Variants in NKAIN3 observed in about 807,000 individuals in gnomAD.
The protein encoded by NKAIN3 is sodium/potassium-transporting ATPase subunit beta-1-interacting protein 3.
A neutral mutation model predicts 30.2 loss-of-function variants in NKAIN3; 25 were observed. The observed-to-expected ratio is 0.83, with a 90% confidence interval of 0.60 to 1.16. The LOEUF is 1.16. Ranked by LOEUF, NKAIN3 falls within the 50% of genes most tolerant of loss-of-function variation. The probability of loss-of-function intolerance (pLI) is 0.00; values close to 1 mark genes in which losing one functional copy is unlikely to be tolerated. For synonymous variants in NKAIN3, 91 were observed against 89.6 expected (o/e 1.02, Z -0.09); for missense variants, 225 against 254.1 (o/e 0.89, Z 0.78).
At chr8:62,400,511 T>C (rs1803818045) in intron 1 of NKAIN3, among the ~76,000 whole-genome samples, 1 of 152,096 alleles carries the variant, frequency 6.6e-6, no homozygotes, top group Non-Finnish European at 1.5e-5. Context: ...TTTGTTAAGA[T>C]TGACTAGAAG....
intron 1 of NKAIN3, among the ~76,000 whole-genome samples, chr8:62,376,970 CT>C (rs1239846361): frequency 6.6e-6 from 1 of 151,950 alleles, no homozygotes; most frequent in Non-Finnish European, 1.5e-5. Context: ...CAAAATAACC[CT>C]GTAGAAAGAC....
chr8:62,954,986 TAAA>T (rs1823382674), intron 6 of NKAIN3, among the ~76,000 whole-genome samples: 1 of 152,156 alleles, frequency 6.6e-6, no homozygotes, highest in Non-Finnish European at 1.5e-5. Flanking sequence ...AGAAATTATG[TAAA>T]ATAGTCGCTT....
At chr8:62,842,204 C>G (rs1391339442) in intron 4 of NKAIN3, among the ~76,000 whole-genome samples, 1 of 151,550 alleles carries the variant, frequency 6.6e-6, no homozygotes, top group Non-Finnish European at 1.5e-5. Context: ...TACATTAAAC[C>G]CTTACTAGAT....
intron 1 of NKAIN3, among the ~76,000 whole-genome samples, chr8:62,550,803 G>C (rs1448625228): frequency 6.6e-6 from 1 of 152,176 alleles, no homozygotes; most frequent in Non-Finnish European, 1.5e-5. Flanking sequence ...GTATGTACAA[G>C]AAGAAGAGTT....
At chr8:62,568,797 C>T (rs949416649) in intron 1 of NKAIN3, among the ~76,000 whole-genome samples, 1 of 152,104 alleles carries the variant, frequency 6.6e-6, no homozygotes, top group African/African-American at 2.4e-5. Flanking sequence ...CATTTCACTT[C>T]TTGAGATATA....
chr8:62,605,418 C>T (rs1187909965), intron 3 of NKAIN3, among the ~76,000 whole-genome samples: 5 of 151,850 alleles, frequency 3.3e-5, no homozygotes, highest in Non-Finnish European at 4.4e-5. Flanking sequence ...AACTGAAAAC[C>T]GTGCCTATAT....
At chr8:62,996,056 A>C (rs1366006630) in intron 5 of NKAIN3, among the ~76,000 whole-genome samples, 3 of 152,234 alleles carry the variant, frequency 2.0e-5, no homozygotes, top group Non-Finnish European at 2.9e-5. Context: ...TATGTTGTAA[A>C]TATTCCCATT....
chr8:62,974,046 CA>C lies in NKAIN3; in HGVS notation c.*8640del, dbSNP rs569124984. Among the ~76,000 whole-genome samples, 84 of 152,180 alleles carry C rather than the reference CA, an allele frequency of 5.5e-4. No individual in the cohort carries two copies. The highest frequency in any genetic ancestry group is 1.9e-3 in the South Asian group (9 of 4,822). ...TATATATCTGTTTTAGTAAAAGTAC[CA>C]TGTTGTTTTGGTTACTGTAGCCTTG... On this transcript the variant is annotated 3_prime_UTR_variant, in exon 7 of 7. Transcript: ENST00000623646.
chr8:62,779,874 C>A (rs184405513), intron 4 of NKAIN3, among the ~76,000 whole-genome samples: 1 of 151,754 alleles, frequency 6.6e-6, no homozygotes, highest in African/African-American at 2.4e-5. Flanking sequence ...TTCAAACGAC[C>A]AAATAATGCA....
chr8:62,810,258 T>C (rs1210033725), intron 4 of NKAIN3, among the ~76,000 whole-genome samples: 1 of 152,080 alleles, frequency 6.6e-6, no homozygotes, highest in Non-Finnish European at 1.5e-5. Context: ...TGGAGAAAAA[T>C]GTAATTCAGT....
Position 62,446,029 on chromosome 8 carries a change from T to A in NKAIN3, c.55-133510T>A, listed in dbSNP as rs551688606. ...TGATGGTGTTATGAAGTCATAGCAATTGTAACTTGTTATAGACACTAACGA... is the reference window on the plus strand; with the variant it reads ...TGATGGTGTTATGAAGTCATAGCAAATGTAACTTGTTATAGACACTAACGA... On this transcript the variant is annotated intron_variant, in intron 1 of 6. Transcript: ENST00000623646. Among the ~76,000 whole-genome samples the A allele has an allele frequency of 3.9e-5, 6 of 152,294 alleles. No individual in the cohort carries two copies. In the South Asian group the frequency reaches 1.2e-3, roughly 32 times the overall value.
intron 1 of NKAIN3, among the ~76,000 whole-genome samples, chr8:62,274,583 T>C (rs1812873383): frequency 6.6e-6 from 1 of 152,278 alleles, no homozygotes; most frequent in Non-Finnish European, 1.5e-5. Context: ...GCCTGGAAAT[T>C]CATTTTTTTT....
intron 1 of NKAIN3, among the ~76,000 whole-genome samples, chr8:62,292,742 G>T (rs1463607421): frequency 6.6e-6 from 1 of 152,068 alleles, no homozygotes; most frequent in Non-Finnish European, 1.5e-5. Flanking sequence ...GAATATCTTT[G>T]TGGTGTTCTC....
chr8:62,812,096 T>A (rs915953158), intron 4 of NKAIN3, among the ~76,000 whole-genome samples: 3 of 151,990 alleles, frequency 2.0e-5, no homozygotes, highest in African/African-American at 7.2e-5. Context: ...GAAAGAACTA[T>A]TTTTCTACAT....
chr8:62,600,682 G>A (rs150171663), intron 3 of NKAIN3, among the ~76,000 whole-genome samples: 32 of 152,108 alleles, frequency 2.1e-4, no homozygotes, highest in African/African-American at 7.7e-4. Flanking sequence ...TAACTTGTGG[G>A]CATTTTGATT....
chr8:62,435,955 A>G lies in NKAIN3; in HGVS notation c.55-143584A>G, dbSNP rs182007989. On this transcript the variant is annotated intron_variant, in intron 1 of 6. Coordinates refer to ENST00000623646, the MANE Select transcript of NKAIN3 (RefSeq NM_001304533.3). ...AATATTCTACACAGTATGCCTTTAT[A>G]TGAGTATACAATGCTTTAACACAAT... Among the ~76,000 whole-genome samples, 40 of 152,302 alleles carry G rather than the reference A, an allele frequency of 2.6e-4. No individual in the cohort carries two copies. In the East Asian group the frequency reaches 6.6e-3, roughly 25 times the overall value.
intron 4 of NKAIN3, among the ~76,000 whole-genome samples, chr8:62,815,558 G>A (rs1028082335): frequency 1.2e-4 from 18 of 152,146 alleles, no homozygotes; most frequent in Admixed American, 1.2e-3. Flanking sequence ...ATGCAAGTCT[G>A]GTTCAATATA....
At chr8:62,439,739 G>A (rs1433327311) in intron 1 of NKAIN3, among the ~76,000 whole-genome samples, 3 of 152,176 alleles carry the variant, frequency 2.0e-5, no homozygotes, top group Non-Finnish European at 4.4e-5. Flanking sequence ...AGTTTCCTCT[G>A]TTAATTTGCA....
chr8:62,934,756 T>A (rs969107468), intron 5 of NKAIN3, among the ~76,000 whole-genome samples: 1 of 152,086 alleles, frequency 6.6e-6, no homozygotes, highest in African/African-American at 2.4e-5. Flanking sequence ...AAAGGAGATA[T>A]TATTTTCAAA....
Sources: allele counts gnomAD v4.1 joint callset (sites outside exome capture counted in the v4.1 genomes callset), GRCh38; gene constraint gnomAD v4.1.1; transcripts MANE v1.5; gene names NCBI Gene and HGNC (gene_info 2026-07-23, HGNC 2026-07-21).